Variants in CCM2L observed in about 807,000 individuals in gnomAD.
CCM2L encodes cerebral cavernous malformations 2 protein-like.
Under a neutral mutation model 54.1 loss-of-function variants are expected in CCM2L, and 36 were observed. That is an observed-to-expected ratio of 0.67 (90% CI 0.51 to 0.88). The LOEUF is 0.88. CCM2L is among the 40% of genes least tolerant of loss of function. CCM2L has a pLI of 0.00. For missense variants in CCM2L, 700 were observed against 812.1 expected, an observed-to-expected ratio of 0.86 and a Z score of 1.68; for synonymous variants, 351 against 359.3, an observed-to-expected ratio of 0.98 and a Z score of 0.26.
intron 1 of CCM2L, among the ~76,000 whole-genome samples, chr20:32,011,975 A>G (rs910941900): frequency 3.3e-5 from 5 of 151,742 alleles, no homozygotes; most frequent in African/African-American, 1.2e-4. Context: ...TGTTCGTCTC[A>G]TAATCTAGCC....
intron 1 of CCM2L, 64 bp downstream of exon 1, chr20:32,010,548 A>AT: frequency 7.8e-6 from 3 of 385,258 alleles, no homozygotes; most frequent in Admixed American, 4.8e-5. Flanking sequence ...AAGGGGGCAA[A>AT]CTGGGGCGGG....
intron 6 of CCM2L, among the ~76,000 whole-genome samples, chr20:32,024,997 T>C (rs2064840611): frequency 6.6e-6 from 1 of 152,134 alleles, no homozygotes; most frequent in South Asian, 2.1e-4. Context: ...TACTTGGTGT[T>C]TCTTTGCTCT....
Position 32,019,301 on chromosome 20 carries a change from C to CG in CCM2L, c.830dup (p.Gly278ArgfsTer58). 2.3e-6 allele frequency: 3 copies of CG among 1,292,632 alleles called. No homozygotes were observed. Among genetic ancestry groups the CG allele is most frequent in the Non-Finnish European group, 2.9e-6 (3 of 1,020,790 alleles). 80.1% of individuals were successfully genotyped at this position (1,292,632 alleles called of 1,614,324 possible). A position where few individuals can be genotyped will look rare whatever the true frequency, so the allele number is the denominator to read the frequency against. ...GGGAGCGGAGGCAGGCGGGCAGCGG[C>CG]GGGGGAGGCAGCTGGGAGCGGCGCC... On this transcript the variant is annotated frameshift_variant, in exon 5 of 10. Coordinates refer to ENST00000452892, the MANE Select transcript of CCM2L (RefSeq NM_001365692.1). LOFTEE classifies it high-confidence loss of function.
At chr20:32,015,884 T>C (rs2064737698) in intron 2 of CCM2L, among the ~76,000 whole-genome samples, 1 of 124,732 alleles carries the variant, frequency 8.0e-6, no homozygotes, top group African/African-American at 3.4e-5. Context: ...TGAGACAGAG[T>C]CTCATTCTGT....
At chr20:32,019,712 C>T (rs1425449937) in intron 5 of CCM2L, among the ~76,000 whole-genome samples, 1 of 152,212 alleles carries the variant, frequency 6.6e-6, no homozygotes, top group East Asian at 1.9e-4. Flanking sequence ...GGACACTAAT[C>T]ACCAGCGTGA....
chr20:32,017,997 C>A lies in CCM2L; in HGVS notation c.301C>A (p.Leu101Met). The change falls in exon 4 of 10, where the codon CTG becomes ATG. Residue 101 changes from leucine (L) to methionine (M), a missense_variant. Coordinates refer to ENST00000452892, the MANE Select transcript of CCM2L (RefSeq NM_001365692.1). Reference sequence around the variant, plus strand: ...CCTGCAGCAGCTGAAGGAGCTGCCGCTGAAGACCACGGCGGAGCAGGACAG... The same window carrying A: ...CCTGCAGCAGCTGAAGGAGCTGCCGATGAAGACCACGGCGGAGCAGGACAG... Reference protein sequence around the residue: ...DTARQLKELPLKTTAEQDSIL... With the variant: ...DTARQLKELPMKTTAEQDSIL... The A allele has an allele frequency of 6.2e-7, 1 of 1,613,868 alleles. No homozygotes were observed. Among genetic ancestry groups the A allele is most frequent in the Non-Finnish European group, 8.5e-7 (1 of 1,179,954 alleles).
At chr20:32,030,948 T>G in intron 9 of CCM2L, 53 bp from the exon 10 acceptor site, 1 of 1,279,102 alleles carries the variant, frequency 7.8e-7, no homozygotes, top group Non-Finnish European at 1.0e-6. Flanking sequence ...GCTTCCCCTG[T>G]GGAAGGGAAA....
intron 7 of CCM2L, among the ~76,000 whole-genome samples, chr20:32,027,439 A>T (rs1002339419): frequency 6.6e-6 from 1 of 152,240 alleles, no homozygotes; most frequent in Non-Finnish European, 1.5e-5. Flanking sequence ...TTTCATCAAC[A>T]TAGTAACATT....
Position 32,031,473 on chromosome 20 carries a change from G to A in CCM2L, c.*159G>A. 2.1e-6 allele frequency: 1 copy of A among 487,408 alleles called. No homozygotes were observed. The highest frequency in any genetic ancestry group is 3.2e-6 in the Non-Finnish European group (1 of 309,840). 30.2% of individuals were successfully genotyped at this position (487,408 alleles called of 1,614,324 possible). On this transcript the variant is annotated 3_prime_UTR_variant, in exon 10 of 10. Transcript: ENST00000452892. ...TGCCCTTGGGGCCCGGGGCCATGCA[G>A]TACCTGGAGTGTCCTGCAGGGGGAA...
Position 32,018,086 on chromosome 20 carries a change from G to C in CCM2L, c.390G>C (p.Leu130=). Residue 130 remains leucine, a synonymous_variant, in exon 4 of 10, where the codon CTG becomes CTC. Transcript: ENST00000452892. ...LTWRDNEELI[L]RIPTHEIAAA... is the part of the protein sequence containing the mutation. ...GGCGCGACAATGAAGAGCTCATTCT[G>C]CGAATCCCTACGCACGAGATCGCCG... 1 of 1,613,042 alleles carries C rather than the reference G, an allele frequency of 6.2e-7. No individual in the cohort carries two copies. Among genetic ancestry groups the C allele is most frequent in the Non-Finnish European group, 8.5e-7 (1 of 1,179,886 alleles).
intron 6 of CCM2L, among the ~76,000 whole-genome samples, chr20:32,023,800 C>T (rs764745049): frequency 6.6e-6 from 1 of 152,226 alleles, no homozygotes; most frequent in African/African-American, 2.4e-5. Flanking sequence ...GGCACGATCT[C>T]GGCTCATTGC....
At chr20:32,011,826 G>C (rs1197844467) in intron 1 of CCM2L, among the ~76,000 whole-genome samples, 1 of 151,850 alleles carries the variant, frequency 6.6e-6, no homozygotes, top group Non-Finnish European at 1.5e-5. Flanking sequence ...CAGGGGACAA[G>C]AATGAGGCAG....
chr20:32,020,433 T>C (rs2064793271), intron 5 of CCM2L, among the ~76,000 whole-genome samples: 1 of 152,220 alleles, frequency 6.6e-6, no homozygotes, highest in Admixed American at 6.5e-5. Flanking sequence ...CTTGATCTTC[T>C]TCTCTCCTCC....
chr20:32,031,138 G>T lies in CCM2L; in HGVS notation c.1540G>T (p.Ala514Ser). 3 of 1,303,904 alleles carry T rather than the reference G, an allele frequency of 2.3e-6. No individual in the cohort carries two copies. Among genetic ancestry groups the T allele is most frequent in the Non-Finnish European group, 2.0e-6 (2 of 988,910 alleles). 80.8% of individuals were successfully genotyped at this position (1,303,904 alleles called of 1,614,324 possible). The stretch of plus-strand genomic sequence containing the variant: ...CAGCATGAGCTCCACGTCGGCCTCC[G>T]CAGTGCGCAGCTACGATGGCGCGGC... The part of the protein sequence containing the change: ...KRSMSSTSAS[A>S]VRSYDGAAQR... Residue 514 changes from alanine to serine, a missense_variant, in exon 10 of 10, where the codon GCA becomes TCA. Ala to Ser is a moderately conservative substitution (Grantham distance 99, BLOSUM62 1). Transcript: ENST00000452892.
intron 2 of CCM2L, among the ~76,000 whole-genome samples, chr20:32,015,998 C>T (rs184065269): frequency 9.2e-5 from 14 of 151,886 alleles, no homozygotes; most frequent in Admixed American, 3.9e-4. Context: ...CTGGGACTAC[C>T]GGCACGCACC....
chr20:32,019,473 C>CCCT, intron 5 of CCM2L, 64 bp downstream of exon 5: 1 of 1,171,802 alleles, frequency 8.5e-7, no homozygotes, highest in South Asian at 1.9e-5. Context: ...CCGCCCCCAC[C>CCCT]TTGCCCCCGC....
At position 32,029,756 on chromosome 20, in the gene CCM2L, G is replaced by A. The variant is rs2064902431; in HGVS notation, c.1320G>A (p.Glu440=). The A allele has an allele frequency of 6.2e-7, 1 of 1,613,504 alleles. No homozygotes were observed. The highest frequency in any genetic ancestry group is 8.5e-7 in the Non-Finnish European group (1 of 1,179,770). ...EIQQFAMLLR[E]YRLGLPIQDY... Reference sequence around the variant, plus strand: ...AGCAGTTTGCGATGCTGCTGCGGGAGTACCGGCTGGGGCTGCCCATCCAGG... The same window carrying A: ...AGCAGTTTGCGATGCTGCTGCGGGAATACCGGCTGGGGCTGCCCATCCAGG... Residue 440 remains glutamate, a synonymous_variant, in exon 9 of 10, where the codon GAG becomes GAA. Transcript: ENST00000452892.
intron 7 of CCM2L, 112 bp from the exon 8 acceptor site, chr20:32,028,883 C>T (rs918432992): frequency 2.5e-5 from 35 of 1,378,540 alleles, no homozygotes; most frequent in Admixed American, 2.1e-4. Flanking sequence ...CCAGGGTATG[C>T]GAGGCCTTGG....
Position 32,018,178 on chromosome 20 carries a change from GC to G in CCM2L, c.466+17del. ...CTCAAGACCGGTGCGGCGGGAGGGG[GC>G]GGGGGCGGGGGAGGGGCGGGGGCGG... On this transcript the variant is annotated intron_variant, in intron 4 of 9. Transcript: ENST00000452892. 7 of 981,374 alleles carry G rather than the reference GC, an allele frequency of 7.1e-6. No homozygotes were observed. The highest frequency in any genetic ancestry group is 5.1e-5 in the Admixed American group (1 of 19,588). The allele number at this position is 981,374 out of a possible 1,614,324, so 60.8% of individuals were successfully genotyped here. A position where few individuals can be genotyped will look rare whatever the true frequency, so the allele number is the denominator to read the frequency against.
Sources: gnomAD v4.1 joint callset for allele counts (sites outside exome capture counted in the v4.1 genomes callset) on GRCh38, gnomAD v4.1.1 for gene constraint, MANE v1.5 for transcripts, NCBI Gene and HGNC (gene_info 2026-07-23, HGNC 2026-07-21) for gene names.